LRRC28: variants seen among roughly 807,000 people sequenced by gnomAD.
LRRC28 encodes leucine rich repeat containing 28.
LRRC28 carries 39 observed loss-of-function variants against 45.7 expected under a neutral mutation model. The ratio of observed to expected loss-of-function variants is 0.85; its 90% confidence interval spans 0.66 to 1.12. The LOEUF is 1.12. LRRC28 is among the 50% of genes most tolerant of loss of function. The pLI, the probability that LRRC28 is intolerant of heterozygous loss-of-function variation, is 0.00. For missense variants in LRRC28, 435 were observed against 438.5 expected, an observed-to-expected ratio of 0.99 and a Z score of 0.07; for synonymous variants, 206 against 178.8, an observed-to-expected ratio of 1.15 and a Z score of -1.22.
At chr15:99,279,651 G>A (rs1470617417) in intron 3 of LRRC28, among the ~76,000 whole-genome samples, 2 of 152,192 alleles carry the variant, frequency 1.3e-5, no homozygotes, top group Admixed American at 6.5e-5. Flanking sequence ...GTGGGGTTAG[G>A]ACTAGAGCAA....
At chr15:99,258,497 G>A in intron 2 of LRRC28, 2 of 761,122 alleles carry the variant, frequency 2.6e-6, no homozygotes, top group Non-Finnish European at 4.8e-6. Context: ...AAGGAGCCAT[G>A]AAGGAAGAAG....
intron 5 of LRRC28, among the ~76,000 whole-genome samples, chr15:99,308,580 G>T (rs566344237): frequency 6.6e-6 from 1 of 152,174 alleles, no homozygotes; most frequent in African/African-American, 2.4e-5. Flanking sequence ...GCTGAGGTGG[G>T]GGGATTGCTT....
At chr15:99,348,159 A>C (rs1008208454) in intron 6 of LRRC28, among the ~76,000 whole-genome samples, 1 of 152,108 alleles carries the variant, frequency 6.6e-6, no homozygotes, top group Non-Finnish European at 1.5e-5. Context: ...GTTCTTTATA[A>C]ATTTTGTATA....
chr15:99,343,630 C>T (rs1285072305), intron 6 of LRRC28, among the ~76,000 whole-genome samples: 1 of 152,104 alleles, frequency 6.6e-6, no homozygotes, highest in Non-Finnish European at 1.5e-5. Flanking sequence ...AGCTTCCTTG[C>T]GTTATAGATT....
chr15:99,386,389 C>T lies in LRRC28; in HGVS notation c.*287C>T, dbSNP rs1957991691. On this transcript the variant is annotated 3_prime_UTR_variant, in exon 10 of 10. Coordinates refer to ENST00000301981, the MANE Select transcript of LRRC28 (RefSeq NM_144598.5). ...GGGCCTCCCCAAATCTAATTTAAAG[C>T]AAGTTTCCGGTCCTTGGAGAACAGT... 3.1e-6 allele frequency: 1 copy of T among 325,680 alleles called. No homozygotes were observed. The highest frequency in any genetic ancestry group is 2.1e-5 in the African/African-American group (1 of 47,438). 20.2% of individuals were successfully genotyped at this position (325,680 alleles called of 1,614,324 possible).
chr15:99,292,907 T>C (rs1157924428), intron 5 of LRRC28, among the ~76,000 whole-genome samples: 1 of 152,232 alleles, frequency 6.6e-6, no homozygotes, highest in East Asian at 1.9e-4. Flanking sequence ...ATTCAGCTTG[T>C]TTTAGTTGTT....
intron 2 of LRRC28, among the ~76,000 whole-genome samples, chr15:99,263,357 ATT>A (rs1284285368): frequency 4.0e-5 from 6 of 151,084 alleles, no homozygotes; most frequent in African/African-American, 1.5e-4. Context: ...AAGAAACATG[ATT>A]TTGCTTCCTA....
At chr15:99,254,184 A>G (rs1483755874) in intron 1 of LRRC28, among the ~76,000 whole-genome samples, 2 of 152,248 alleles carry the variant, frequency 1.3e-5, no homozygotes, top group African/African-American at 4.8e-5. Flanking sequence ...GATAATTAAG[A>G]TGTGGAAAAA....
intron 2 of LRRC28, among the ~76,000 whole-genome samples, chr15:99,264,093 A>G (rs2081271916): frequency 6.6e-6 from 1 of 152,240 alleles, no homozygotes; most frequent in Admixed American, 6.5e-5. Flanking sequence ...TGCTGCTCAT[A>G]GGCCTAGCCA....
chr15:99,348,152 C>G (rs891099827), intron 6 of LRRC28, among the ~76,000 whole-genome samples: 1 of 152,036 alleles, frequency 6.6e-6, no homozygotes. Flanking sequence ...TATAAGAGTT[C>G]TTTATAAATT....
intron 5 of LRRC28, among the ~76,000 whole-genome samples, chr15:99,298,254 TGTATTATA>T (rs1434087923): frequency 6.6e-6 from 1 of 152,200 alleles, no homozygotes; most frequent in Admixed American, 6.5e-5. Context: ...GACAGCATGG[TGTATTATA>T]GGCTTGGTGC....
intron 1 of LRRC28, among the ~76,000 whole-genome samples, chr15:99,252,147 G>A (rs1036122170): frequency 6.6e-6 from 1 of 152,194 alleles, no homozygotes; most frequent in Non-Finnish European, 1.5e-5. Context: ...CTGATATTAA[G>A]TAATACTATT....
At chr15:99,311,571 A>G (rs757344556) in intron 5 of LRRC28, among the ~76,000 whole-genome samples, 3 of 152,190 alleles carry the variant, frequency 2.0e-5, no homozygotes, top group Non-Finnish European at 4.4e-5. Context: ...GACTTGTTTT[A>G]TATCTTAACA....
intron 1 of LRRC28, among the ~76,000 whole-genome samples, 171 bp from the exon 2 acceptor site, chr15:99,255,727 T>G (rs1225527114): frequency 6.6e-6 from 1 of 152,248 alleles, no homozygotes; most frequent in Non-Finnish European, 1.5e-5. Flanking sequence ...TTATTCATTT[T>G]AATCTCCTCC....
Position 99,276,634 on chromosome 15 carries a change from A to C in LRRC28, c.209+18A>C, listed in dbSNP as rs376377020. On this transcript the variant is annotated intron_variant, in intron 3 of 9. Transcript: ENST00000301981. The stretch of plus-strand genomic sequence containing the variant: ...GTGGAACTGTGAGTCTGTTTATTCA[A>C]ATTTTTTAAAGACAAGAATGAAAAT... 3.3e-6 allele frequency: 5 copies of C among 1,501,800 alleles called. No homozygotes were observed. Among genetic ancestry groups the C allele is most frequent in the African/African-American group, 2.9e-5 (2 of 69,614 alleles). 93.0% of individuals were successfully genotyped at this position (1,501,800 alleles called of 1,614,324 possible). A position where few individuals can be genotyped will look rare whatever the true frequency, so the allele number is the denominator to read the frequency against.
chr15:99,269,726 T>G (rs2081424791), intron 2 of LRRC28, among the ~76,000 whole-genome samples: 2 of 152,136 alleles, frequency 1.3e-5, no homozygotes, highest in African/African-American at 2.4e-5. Flanking sequence ...TAAAGTAAAA[T>G]AATATTAAAA....
chr15:99,332,535 C>T (rs1956193237), intron 5 of LRRC28, among the ~76,000 whole-genome samples: 1 of 152,220 alleles, frequency 6.6e-6, no homozygotes, highest in African/African-American at 2.4e-5. Context: ...CAAACCTTTT[C>T]TGTAAATGGC....
rs1299440109 is a variant in LRRC28, at chr15:99,287,978, G to A, written c.385+27G>A. The A allele has an allele frequency of 3.2e-6, 5 of 1,582,638 alleles. No individual in the cohort carries two copies. The African/African-American group carries it at 5.4e-5, about 17-fold the overall frequency. On this transcript the variant is annotated intron_variant, in intron 5 of 9. Transcript: ENST00000301981. Reference sequence around the variant, plus strand: ...TAATCATAGTCTCTAGCACACTATAGTTTCTTGTCTATTATAAATCTGTAT... The same window carrying A: ...TAATCATAGTCTCTAGCACACTATAATTTCTTGTCTATTATAAATCTGTAT...
chr15:99,385,062 C>G (rs1165410806), intron 9 of LRRC28, among the ~76,000 whole-genome samples: 3 of 152,180 alleles, frequency 2.0e-5, no homozygotes, highest in South Asian at 4.1e-4. Flanking sequence ...GCAAAGGGAG[C>G]TCTCTCTGGA....
Sources: allele counts gnomAD v4.1 joint callset (sites outside exome capture counted in the v4.1 genomes callset), GRCh38; gene constraint gnomAD v4.1.1; transcripts MANE v1.5; gene names NCBI Gene and HGNC (gene_info 2026-07-23, HGNC 2026-07-21).